Variants in ATRNL1 observed in about 807,000 individuals in gnomAD.
ATRNL1 encodes attractin like 1, also known as attractin-like protein 1.
ATRNL1 carries 95 observed loss-of-function variants against 182.7 expected under a neutral mutation model. The observed-to-expected ratio is 0.52, with a 90% CI of 0.44 to 0.62. The LOEUF (loss-of-function observed/expected upper bound fraction) is 0.62. Ranked by LOEUF, ATRNL1 falls within the 20% of genes least tolerant of loss-of-function variation. The pLI is 0.00. For synonymous variants in ATRNL1, 576 were observed against 568.3 expected (o/e 1.01, Z -0.19); for missense variants, 1,471 against 1,679.5 (o/e 0.88, Z 2.17).
At chr10:115,732,133 T>TA (rs535490915) in intron 27 of ATRNL1, among the ~76,000 whole-genome samples, 49 of 152,120 alleles carry the variant, frequency 3.2e-4, no homozygotes, top group African/African-American at 1.1e-3. Context: ...AACATTTGTG[T>TA]AAAAAAAATT....
At chr10:115,739,154 T>C (rs1200023134) in intron 27 of ATRNL1, among the ~76,000 whole-genome samples, 9 of 152,144 alleles carry the variant, frequency 5.9e-5, no homozygotes, top group Admixed American at 5.9e-4. Flanking sequence ...GTGTCTGACA[T>C]AATAAATAGA....
intron 4 of ATRNL1, 36 bp from the exon 5 acceptor site, chr10:115,129,291 C>A (rs1554874386): frequency 6.5e-7 from 1 of 1,542,866 alleles, no homozygotes; most frequent in Non-Finnish European, 8.9e-7. Context: ...TTTTCAATTA[C>A]CTTGAATCTG....
intron 26 of ATRNL1, among the ~76,000 whole-genome samples, chr10:115,649,468 G>A (rs1390957179): frequency 2.6e-5 from 4 of 152,104 alleles, no homozygotes; most frequent in African/African-American, 9.7e-5. Flanking sequence ...GGCACCATAA[G>A]ATAATTGTAA....
intron 27 of ATRNL1, among the ~76,000 whole-genome samples, chr10:115,774,425 CAAAAAAAAAA>C (rs56048429): frequency 2.9e-5 from 2 of 69,368 alleles, no homozygotes; most frequent in African/African-American, 1.1e-4. Flanking sequence ...GACTCCATCT[CAAAAAAAAAA>C]AAAAAAAAAA....
At chr10:115,674,505 A>T (rs1945799354) in intron 26 of ATRNL1, among the ~76,000 whole-genome samples, 1 of 152,094 alleles carries the variant, frequency 6.6e-6, no homozygotes. Flanking sequence ...TCATTGATTT[A>T]TTACACTTAC....
rs797037598 is a variant in ATRNL1, at chr10:115,600,259, G to GT, written c.3795+50724dup. On this transcript the variant is annotated intron_variant, in intron 26 of 28. Coordinates refer to ENST00000355044, the MANE Select transcript of ATRNL1 (RefSeq NM_207303.4). ...TGAAATTTAAAAAAATTTAACTTGA[G>GT]TAAATGCCTAATAGTACAATTTCTG... Among the ~76,000 whole-genome samples the GT allele has an allele frequency of 4.6e-5, 7 of 152,102 alleles. No homozygotes were observed. In the South Asian group the frequency reaches 1.4e-3, roughly 31 times the overall value.
chr10:115,802,077 G>GC (rs1315706524), intron 27 of ATRNL1, among the ~76,000 whole-genome samples: 2 of 66,742 alleles, frequency 3.0e-5, no homozygotes, highest in Admixed American at 2.0e-4. Context: ...TCTACCTTCC[G>GC]CCCCCCACCA....
intron 28 of ATRNL1, among the ~76,000 whole-genome samples, chr10:115,933,354 C>T (rs1242866336): frequency 6.6e-6 from 1 of 152,234 alleles, no homozygotes; most frequent in Admixed American, 6.5e-5. Flanking sequence ...GTGCAGTTCT[C>T]ACTCTTGTAG....
chr10:115,755,582 T>C lies in ATRNL1; in HGVS notation c.3903+28227T>C, dbSNP rs371435293. On this transcript the variant is annotated intron_variant, in intron 27 of 28. Coordinates refer to ENST00000355044, the MANE Select transcript of ATRNL1 (RefSeq NM_207303.4). ...TGGAATCAGTTTGCCAGTATTTTAC[T>C]GAGGATTTTTGCATCGATGTTCATT... 4.6e-5 allele frequency among the ~76,000 whole-genome samples: 7 copies of C among 152,348 alleles called. No individual in the cohort carries two copies. In the East Asian group the frequency reaches 7.7e-4, roughly 17 times the overall value.
intron 8 of ATRNL1, among the ~76,000 whole-genome samples, chr10:115,194,887 T>G (rs1367386481): frequency 2.0e-5 from 3 of 151,940 alleles, no homozygotes; most frequent in African/African-American, 7.2e-5. Context: ...CCATGAGGTT[T>G]GCAAATAAAA....
At chr10:115,460,338 C>T (rs1320032354) in intron 21 of ATRNL1, among the ~76,000 whole-genome samples, 2 of 152,044 alleles carry the variant, frequency 1.3e-5, no homozygotes, top group East Asian at 1.9e-4. Context: ...CTAATTATTT[C>T]CCCAAGTTCC....
chr10:115,456,286 A>G (rs1479684234), intron 21 of ATRNL1, among the ~76,000 whole-genome samples: 1 of 152,200 alleles, frequency 6.6e-6, no homozygotes, highest in East Asian at 1.9e-4. Context: ...CATATACACC[A>G]TGGAATATTA....
chr10:115,348,570 G>A (rs2050705), intron 19 of ATRNL1, among the ~76,000 whole-genome samples: 33,770 of 151,990 alleles, frequency 0.22, 4,710 homozygotes, highest in Non-Finnish European at 0.31. Flanking sequence ...TTAATATTTA[G>A]TTGAATAGAA....
At chr10:115,172,874 C>T (rs1367214935) in intron 8 of ATRNL1, among the ~76,000 whole-genome samples, 2 of 150,028 alleles carry the variant, frequency 1.3e-5, no homozygotes, top group African/African-American at 4.9e-5. Flanking sequence ...GGTACTTACT[C>T]AGCTGTAAGT....
chr10:115,860,444 G>C (rs1555103230), intron 28 of ATRNL1, among the ~76,000 whole-genome samples: 2 of 152,096 alleles, frequency 1.3e-5, no homozygotes, highest in Admixed American at 1.3e-4. Context: ...ATGGAGAGAG[G>C]CTGAGTTACA....
chr10:115,771,486 TCCC>T (rs1948990898), intron 27 of ATRNL1, among the ~76,000 whole-genome samples: 6 of 152,308 alleles, frequency 3.9e-5, no homozygotes, highest in Admixed American at 3.9e-4. Flanking sequence ...CGCCTAGGCC[TCCC>T]AAAGTGCTGG....
At chr10:115,639,183 T>G (rs1859076122) in intron 26 of ATRNL1, among the ~76,000 whole-genome samples, 1 of 152,168 alleles carries the variant, frequency 6.6e-6, no homozygotes, top group Admixed American at 6.5e-5. Flanking sequence ...TGACACCAAT[T>G]TGAATGTCAG....
At chr10:115,749,532 G>A (rs990957101) in intron 27 of ATRNL1, among the ~76,000 whole-genome samples, 4 of 151,776 alleles carry the variant, frequency 2.6e-5, no homozygotes, top group African/African-American at 4.8e-5. Flanking sequence ...AAAAACTCAC[G>A]TGTTTTATTT....
chr10:115,662,559 C>T (rs1222328577), intron 26 of ATRNL1, among the ~76,000 whole-genome samples: 2 of 152,092 alleles, frequency 1.3e-5, no homozygotes, highest in Admixed American at 1.3e-4. Flanking sequence ...CACTTTCTTT[C>T]TGAAACTTAT....
Sources: allele counts gnomAD v4.1 joint callset (sites outside exome capture counted in the v4.1 genomes callset), GRCh38; gene constraint gnomAD v4.1.1; transcripts MANE v1.5; gene names NCBI Gene and HGNC (gene_info 2026-07-23, HGNC 2026-07-21).